Variants in PTPRJ observed in about 807,000 individuals in gnomAD.
PTPRJ encodes the protein receptor-type tyrosine-protein phosphatase eta.
Under a neutral mutation model 141.3 loss-of-function variants are expected in PTPRJ, and 129 were observed. That is an observed-to-expected ratio of 0.91 (90% CI 0.79 to 1.06). PTPRJ has a LOEUF of 1.06. Ranked by LOEUF, PTPRJ falls within the 50% of genes least tolerant of loss-of-function variation. The pLI is 0.00. For missense variants in PTPRJ, 1,601 were observed against 1,679.7 expected, an observed-to-expected ratio of 0.95 and a Z score of 0.82; for synonymous variants, 610 against 640.5, an observed-to-expected ratio of 0.95 and a Z score of 0.72.
chr11:48,058,770 A>G (rs1183700206), intron 1 of PTPRJ, among the ~76,000 whole-genome samples: 2 of 152,028 alleles, frequency 1.3e-5, no homozygotes, highest in African/African-American at 2.4e-5. Context: ...CTGAAGTCAG[A>G]TCATGTTGCT....
intron 1 of PTPRJ, among the ~76,000 whole-genome samples, chr11:48,032,367 T>A (rs908303863): frequency 2.6e-5 from 4 of 152,212 alleles, no homozygotes; most frequent in African/African-American, 9.6e-5. Flanking sequence ...GACTTCTCAG[T>A]TGGGCTTCAA....
chr11:48,125,213 C>T, intron 6 of PTPRJ, 27 bp downstream of exon 6: 1 of 1,605,826 alleles, frequency 6.2e-7, no homozygotes, highest in Non-Finnish European at 8.5e-7. Context: ...AAAATGGTGG[C>T]AGCCAGAGTT....
intron 24 of PTPRJ, 32 bp from the exon 25 acceptor site, chr11:48,167,172 T>C (rs1223180510): frequency 6.3e-7 from 1 of 1,587,326 alleles, no homozygotes; most frequent in African/African-American, 1.4e-5. Context: ...CCCATGTTCA[T>C]TTTCTGTCTC....
chr11:48,024,380 T>C (rs1030236615), intron 1 of PTPRJ, among the ~76,000 whole-genome samples: 1 of 152,174 alleles, frequency 6.6e-6, no homozygotes, highest in African/African-American at 2.4e-5. Flanking sequence ...GTATTTTTAC[T>C]ACAGGCAGGG....
chr11:47,991,554 G>A (rs1854194134), intron 1 of PTPRJ, among the ~76,000 whole-genome samples: 1 of 152,042 alleles, frequency 6.6e-6, no homozygotes, highest in African/African-American at 2.4e-5. Context: ...CTGGCTGAGG[G>A]GCCAGCAAAT....
At chr11:48,029,889 CA>C (rs990212053) in intron 1 of PTPRJ, among the ~76,000 whole-genome samples, 1 of 152,170 alleles carries the variant, frequency 6.6e-6, no homozygotes, top group African/African-American at 2.4e-5. Flanking sequence ...AGTTGGCCCC[CA>C]CTCCCTTCCA....
At chr11:47,999,863 CTTT>C (rs1209647054) in intron 1 of PTPRJ, among the ~76,000 whole-genome samples, 3 of 136,274 alleles carry the variant, frequency 2.2e-5, no homozygotes, top group African/African-American at 3.0e-5. Flanking sequence ...CGAGATTCTT[CTTT>C]TTTTTTTTGA....
At chr11:47,984,829 G>A (rs1854006092) in intron 1 of PTPRJ, among the ~76,000 whole-genome samples, 2 of 151,710 alleles carry the variant, frequency 1.3e-5, no homozygotes, top group African/African-American at 2.4e-5. Flanking sequence ...AAAGTGCAGG[G>A]ATTATAGGCG....
intron 21 of PTPRJ, among the ~76,000 whole-genome samples, chr11:48,159,122 G>GGGGTGTGTGTGTCTGTGTGTGTGTGT (rs368150087): frequency 1.9e-4 from 1 of 5,300 alleles, no homozygotes; most frequent in African/African-American, 2.4e-4. Context: ...GTGTATGTGG[G>GGGGTGTGTGTGTCTGTGTGTGTGTGT]GTGTGTGTGT....
intron 1 of PTPRJ, among the ~76,000 whole-genome samples, chr11:48,059,074 G>C (rs114849168): frequency 7.1e-6 from 1 of 141,696 alleles, no homozygotes; most frequent in South Asian, 2.3e-4. Context: ...AGCTCCTCCC[G>C]ATCAGTACTC....
chr11:48,090,418 T>C (rs1022786925), intron 1 of PTPRJ, among the ~76,000 whole-genome samples: 1 of 152,252 alleles, frequency 6.6e-6, no homozygotes, highest in Middle Eastern at 3.4e-3. Context: ...CGGTGGCTGG[T>C]TTTCACGTGT....
chr11:48,161,726 C>T (rs576826300), intron 22 of PTPRJ, among the ~76,000 whole-genome samples: 1 of 152,144 alleles, frequency 6.6e-6, no homozygotes, highest in South Asian at 2.1e-4. Context: ...GATTCTCCTG[C>T]CTCAGCCTCC....
chr11:48,088,683 T>C (rs142543796), intron 1 of PTPRJ, among the ~76,000 whole-genome samples: 67 of 152,280 alleles, frequency 4.4e-4, no homozygotes, highest in Non-Finnish European at 8.5e-4. Flanking sequence ...GGTCTTTCCA[T>C]GTTACTCTCC....
intron 12 of PTPRJ, among the ~76,000 whole-genome samples, chr11:48,144,283 G>A (rs1857300628): frequency 6.6e-6 from 1 of 152,218 alleles, no homozygotes; most frequent in African/African-American, 2.4e-5. Context: ...GTCCCATTGA[G>A]GAAGGCCATG....
intron 1 of PTPRJ, among the ~76,000 whole-genome samples, chr11:48,086,211 T>C (rs1428374058): frequency 6.6e-6 from 1 of 152,182 alleles, no homozygotes; most frequent in African/African-American, 2.4e-5. Context: ...GGAGTCTCTG[T>C]CGCCCAGGCT....
intron 14 of PTPRJ, 38 bp downstream of exon 14, chr11:48,145,162 G>A (rs1461612669): frequency 6.2e-7 from 1 of 1,611,568 alleles, no homozygotes; most frequent in Non-Finnish European, 8.5e-7. Context: ...TGGTTCAGTG[G>A]CATTTTGCTC....
chr11:48,144,752 T>C lies in PTPRJ; in HGVS notation c.2653T>C (p.Tyr885His), dbSNP rs1216090092. The C allele has an allele frequency of 5.6e-6, 9 of 1,614,204 alleles. No homozygotes were observed. The highest frequency in any genetic ancestry group is 3.3e-5 in the South Asian group (3 of 91,088). The change falls in exon 13 of 25, where the codon TAC becomes CAC. Residue 885 changes from tyrosine to histidine, a missense_variant. By Grantham distance (83) the Tyr-to-His change is moderately conservative (BLOSUM62 2). Transcript: ENST00000418331. ...KKGASDTYVT[Y>H]LIRTEEKGRS... is the part of the protein sequence containing the mutation. ...GGGAGCCTCAGATACTTATGTGACA[T>C]ACCTCATAAGAACAGAAGAAAAGGG...
At position 48,071,478 on chromosome 11, in the gene PTPRJ, G is replaced by A. The variant is rs576684241; in HGVS notation, c.97-38580G>A. ...ACTACAGGCTCCTGCCACCACGCCC[G>A]GCTAATTTTTTGTATTTTTAGTAGA... On this transcript the variant is annotated intron_variant, in intron 1 of 24. Coordinates refer to ENST00000418331, the MANE Select transcript of PTPRJ (RefSeq NM_002843.4). Among the ~76,000 whole-genome samples, 8 of 150,804 alleles carry A rather than the reference G, an allele frequency of 5.3e-5. No individual in the cohort carries two copies. In the South Asian group the frequency reaches 8.4e-4, roughly 16 times the overall value.
chr11:48,090,903 A>G (rs1403297946), intron 1 of PTPRJ, among the ~76,000 whole-genome samples: 1 of 152,096 alleles, frequency 6.6e-6, no homozygotes, highest in African/African-American at 2.4e-5. Context: ...CATCTGCCTC[A>G]TGATGTCAAG....
Sources: allele counts gnomAD v4.1 joint callset (sites outside exome capture counted in the v4.1 genomes callset), GRCh38; gene constraint gnomAD v4.1.1; transcripts MANE v1.5; gene names NCBI Gene and HGNC (gene_info 2026-07-23, HGNC 2026-07-21).